The following CDH18 variants were observed in gnomAD, a reference collection of about 807,000 sequenced individuals.
The protein encoded by CDH18 is cadherin-18.
Under a neutral mutation model 67.9 loss-of-function variants are expected in CDH18, and 31 were observed. The ratio of observed to expected loss-of-function variants is 0.46; its 90% CI spans 0.34 to 0.62. The LOEUF (loss-of-function observed/expected upper bound fraction) is 0.62. Ranked by LOEUF, CDH18 falls within the 20% of genes least tolerant of loss-of-function variation. The probability of loss-of-function intolerance (pLI) is 0.01; values close to 1 mark genes in which losing one functional copy is unlikely to be tolerated. For synonymous variants in CDH18, 362 were observed against 347.2 expected (o/e 1.04, Z -0.48); for missense variants, 890 against 975.5 (o/e 0.91, Z 1.17).
At chr5:20,273,832 G>A (rs1745611794) in intron 1 of CDH18, among the ~76,000 whole-genome samples, 1 of 152,012 alleles carries the variant, frequency 6.6e-6, no homozygotes, top group Non-Finnish European at 1.5e-5. Flanking sequence ...ACCAAGTTAA[G>A]ATTCTGAGAA....
At chr5:20,082,870 C>G (rs910840020) in intron 2 of CDH18, among the ~76,000 whole-genome samples, 2 of 152,132 alleles carry the variant, frequency 1.3e-5, no homozygotes, top group African/African-American at 4.8e-5. Flanking sequence ...AGGCATGGAA[C>G]AGATTCCTCC....
chr5:19,856,056 T>G (rs1443127011), intron 2 of CDH18, among the ~76,000 whole-genome samples: 1 of 152,202 alleles, frequency 6.6e-6, no homozygotes, highest in African/African-American at 2.4e-5. Flanking sequence ...TCTACTTTGT[T>G]TCAATAAACA....
At chr5:20,468,538 T>C (rs1561034132) in intron 1 of CDH18, among the ~76,000 whole-genome samples, 1 of 152,200 alleles carries the variant, frequency 6.6e-6, no homozygotes, top group Non-Finnish European at 1.5e-5. Context: ...AATATCTACA[T>C]ATTTTCAAGA....
At chr5:19,667,037 A>G (rs1336930699) in intron 5 of CDH18, among the ~76,000 whole-genome samples, 1 of 152,052 alleles carries the variant, frequency 6.6e-6, no homozygotes, top group East Asian at 1.9e-4. Flanking sequence ...AAATAATCTC[A>G]ATAAAGTTTT....
At chr5:20,017,497 A>G (rs1737981108) in intron 2 of CDH18, among the ~76,000 whole-genome samples, 1 of 152,232 alleles carries the variant, frequency 6.6e-6, no homozygotes, top group Non-Finnish European at 1.5e-5. Context: ...TAAAAAAGTT[A>G]TAAAAGCCAA....
intron 2 of CDH18, among the ~76,000 whole-genome samples, chr5:20,210,291 T>A (rs189225042): frequency 6.6e-6 from 1 of 151,928 alleles, no homozygotes; most frequent in Non-Finnish European, 1.5e-5. Flanking sequence ...TCTTTTGACA[T>A]AGAACACATT....
chr5:19,760,950 G>A (rs562486827), intron 3 of CDH18, among the ~76,000 whole-genome samples: 18 of 152,254 alleles, frequency 1.2e-4, no homozygotes, highest in Non-Finnish European at 7.4e-5. Flanking sequence ...CACTACTGGG[G>A]ATGGGGAAGC....
intron 1 of CDH18, among the ~76,000 whole-genome samples, chr5:20,514,898 A>T (rs975529882): frequency 6.6e-6 from 1 of 152,088 alleles, no homozygotes; most frequent in African/African-American, 2.4e-5. Flanking sequence ...CATTAGCAGG[A>T]TACTGTTTTT....
chr5:20,395,082 A>G (rs1745177939), intron 1 of CDH18, among the ~76,000 whole-genome samples: 1 of 152,166 alleles, frequency 6.6e-6, no homozygotes, highest in Non-Finnish European at 1.5e-5. Flanking sequence ...CAGAAATTCT[A>G]TGACTGGGTA....
chr5:19,806,669 G>A (rs984532532), intron 3 of CDH18, among the ~76,000 whole-genome samples: 19 of 152,110 alleles, frequency 1.2e-4, no homozygotes, highest in African/African-American at 4.3e-4. Flanking sequence ...GCCCAAACTT[G>A]TATTGTCACT....
chr5:20,310,233 C>A (rs1736867227), intron 1 of CDH18, among the ~76,000 whole-genome samples: 1 of 152,136 alleles, frequency 6.6e-6, no homozygotes, highest in Non-Finnish European at 1.5e-5. Context: ...GTTTAAATGA[C>A]TTATTTCTAA....
chr5:19,593,614 C>A (rs572236767), intron 6 of CDH18, among the ~76,000 whole-genome samples: 1 of 145,442 alleles, frequency 6.9e-6, no homozygotes, highest in East Asian at 2.1e-4. Context: ...CCCACTCCCC[C>A]TCCCGTTCTT....
chr5:19,859,879 G>C (rs1012251338), intron 2 of CDH18, among the ~76,000 whole-genome samples: 1 of 152,042 alleles, frequency 6.6e-6, no homozygotes, highest in Non-Finnish European at 1.5e-5. Context: ...ATTTGGTCCA[G>C]AATAAACCTC....
chr5:19,839,272 C>T (rs1437924569), intron 2 of CDH18, 30 bp from the exon 3 acceptor site: 3 of 360,878 alleles, frequency 8.3e-6, no homozygotes, highest in Admixed American at 4.2e-5. Flanking sequence ...ATATGTGTTA[C>T]AAAACACGGT....
At position 19,544,266 on chromosome 5, in the gene CDH18, G is replaced by C. The variant is rs543462961; in HGVS notation, c.1254-261C>G. The stretch of plus-strand genomic sequence containing the variant: ...ATTCCATGAATAAAAGTAGATAGCA[G>C]AAACAGCGATTAATAGTGGAGAGAC... On this transcript the variant is annotated intron_variant, in intron 8 of 12. Coordinates refer to ENST00000382275, the MANE Select transcript of CDH18 (RefSeq NM_004934.5). Among the ~76,000 whole-genome samples the C allele has an allele frequency of 3.9e-5, 6 of 151,908 alleles. No individual in the cohort carries two copies. In the East Asian group the frequency reaches 1.2e-3, roughly 29 times the overall value.
chr5:19,532,069 T>G (rs148823637), intron 9 of CDH18, among the ~76,000 whole-genome samples: 52 of 152,306 alleles, frequency 3.4e-4, no homozygotes, highest in African/African-American at 1.3e-3. Flanking sequence ...AATTTTACTA[T>G]GTAAATTGCT....
At chr5:20,379,340 T>G (rs1042236319) in intron 1 of CDH18, among the ~76,000 whole-genome samples, 3 of 152,190 alleles carry the variant, frequency 2.0e-5, no homozygotes, top group Admixed American at 6.5e-5. Context: ...GAGCCATACT[T>G]AGGCCATTTT....
At chr5:20,488,265 T>G (rs1189345352) in intron 1 of CDH18, among the ~76,000 whole-genome samples, 1 of 152,156 alleles carries the variant, frequency 6.6e-6, no homozygotes, top group East Asian at 1.9e-4. Flanking sequence ...GTATTTCACC[T>G]AGGTCCATAC....
chr5:19,522,135 A>G (rs1056153890), intron 9 of CDH18, among the ~76,000 whole-genome samples: 2 of 152,134 alleles, frequency 1.3e-5, no homozygotes, highest in Non-Finnish European at 2.9e-5. Flanking sequence ...GATACAATAA[A>G]AGTTATTCAC....
Sources: allele counts gnomAD v4.1 joint callset (sites outside exome capture counted in the v4.1 genomes callset), GRCh38; gene constraint gnomAD v4.1.1; transcripts MANE v1.5; gene names NCBI Gene and HGNC (gene_info 2026-07-23, HGNC 2026-07-21).